Variants in RBFOX1 observed in about 807,000 individuals in gnomAD.
RBFOX1 encodes the protein RNA binding fox-1 homolog 1, also known as RNA binding protein fox-1 homolog 1.
RBFOX1 carries 8 observed loss-of-function variants against 57.7 expected under a neutral mutation model. That is an observed-to-expected ratio of 0.14 (90% CI 0.08 to 0.25). The LOEUF (loss-of-function observed/expected upper bound fraction) is 0.25, where lower values mean the gene tolerates loss of function less well. RBFOX1 is among the 10% of genes least tolerant of loss of function. RBFOX1 has a pLI of 1.00. For synonymous variants in RBFOX1, 326 were observed against 222.4 expected, an observed-to-expected ratio of 1.47 and a Z score of -4.15; for missense variants, 611 against 548.5, an observed-to-expected ratio of 1.11 and a Z score of -1.14.
chr16:5,582,079 C>T (rs925624346), intron 2 of RBFOX1, among the ~76,000 whole-genome samples: 6 of 152,200 alleles, frequency 3.9e-5, no homozygotes, highest in Admixed American at 6.5e-5. Flanking sequence ...AATTATTTCA[C>T]TGTTAAAAGA....
intron 3 of RBFOX1, among the ~76,000 whole-genome samples, chr16:5,647,773 C>T (rs1056509871): frequency 7.9e-5 from 12 of 152,202 alleles, no homozygotes; most frequent in Non-Finnish European, 1.2e-4. Flanking sequence ...ACAAGTTTCC[C>T]GGAACAGATT....
chr16:7,313,524 CGGACAGCA>C (rs1157882984), intron 4 of RBFOX1, among the ~76,000 whole-genome samples: 2 of 141,148 alleles, frequency 1.4e-5, no homozygotes, highest in Non-Finnish European at 3.0e-5. Context: ...GAGGCTCTTT[CGGACAGCA>C]GTAGGAGAGG....
At chr16:7,618,742 A>T (rs2058853457) in intron 10 of RBFOX1, among the ~76,000 whole-genome samples, 1 of 152,360 alleles carries the variant, frequency 6.6e-6, no homozygotes, top group East Asian at 1.9e-4. Context: ...CTCTACATAT[A>T]AAACAGAGCT....
chr16:5,487,034 C>T (rs1386490993), intron 2 of RBFOX1, among the ~76,000 whole-genome samples: 3 of 152,158 alleles, frequency 2.0e-5, no homozygotes, highest in African/African-American at 7.2e-5. Flanking sequence ...TGCTTAACTT[C>T]TCCCTGTTTC....
intron 3 of RBFOX1, among the ~76,000 whole-genome samples, chr16:6,865,885 C>G (rs1009386079): frequency 1.3e-5 from 2 of 151,966 alleles, no homozygotes; most frequent in Non-Finnish European, 2.9e-5. Context: ...AGTCTTTTGC[C>G]TTCTAAGTAA....
chr16:6,721,158 G>T (rs2065911695), intron 3 of RBFOX1, among the ~76,000 whole-genome samples: 1 of 152,110 alleles, frequency 6.6e-6, no homozygotes, highest in Non-Finnish European at 1.5e-5. Context: ...AACATATCAT[G>T]TTGGCCGGGC....
chr16:6,827,475 T>C (rs2092299227), intron 3 of RBFOX1, among the ~76,000 whole-genome samples: 1 of 152,172 alleles, frequency 6.6e-6, no homozygotes, highest in Non-Finnish European at 1.5e-5. Context: ...GGTGACTTCC[T>C]GAGGGTTATT....
At chr16:5,741,997 G>A (rs955695647) in intron 3 of RBFOX1, among the ~76,000 whole-genome samples, 1 of 152,096 alleles carries the variant, frequency 6.6e-6, no homozygotes, top group Non-Finnish European at 1.5e-5. Context: ...CAGTCTTTTG[G>A]CACCCTGAGA....
intron 1 of RBFOX1, among the ~76,000 whole-genome samples, chr16:5,294,074 C>T (rs1236258597): frequency 6.6e-6 from 1 of 151,982 alleles, no homozygotes; most frequent in South Asian, 2.1e-4. Flanking sequence ...ATCAAAAATA[C>T]AAAAATTAGC....
chr16:7,374,017 A>G (rs943525844), intron 4 of RBFOX1, among the ~76,000 whole-genome samples: 3 of 152,222 alleles, frequency 2.0e-5, no homozygotes, highest in African/African-American at 4.8e-5. Context: ...TATGAGCCAT[A>G]AAACTTGAAA....
intron 4 of RBFOX1, among the ~76,000 whole-genome samples, chr16:5,893,571 C>G (rs1378934067): frequency 6.6e-6 from 1 of 152,152 alleles, no homozygotes; most frequent in Non-Finnish European, 1.5e-5. Flanking sequence ...CTTTGGTAGG[C>G]TGAGGCGGGT....
intron 1 of RBFOX1, among the ~76,000 whole-genome samples, chr16:6,183,303 AC>A (rs1469979868): frequency 6.6e-6 from 1 of 151,654 alleles, no homozygotes; most frequent in Non-Finnish European, 1.5e-5. Flanking sequence ...ACAAGGTGAA[AC>A]CCTGTCTCTA....
intron 2 of RBFOX1, among the ~76,000 whole-genome samples, chr16:6,344,609 G>C (rs1260921361): frequency 6.6e-6 from 1 of 150,746 alleles, no homozygotes; most frequent in Non-Finnish European, 1.5e-5. Context: ...GTGTTAGCCA[G>C]GATGGTTTCC....
intron 3 of RBFOX1, among the ~76,000 whole-genome samples, chr16:6,967,192 C>G (rs2084450392): frequency 6.6e-6 from 1 of 152,068 alleles, no homozygotes; most frequent in Non-Finnish European, 1.5e-5. Flanking sequence ...CATTTTCTAT[C>G]TATACATTGA....
At chr16:7,261,954 T>G (rs951795169) in intron 4 of RBFOX1, among the ~76,000 whole-genome samples, 1 of 152,330 alleles carries the variant, frequency 6.6e-6, no homozygotes, top group Non-Finnish European at 1.5e-5. Context: ...TAAGGGGTGG[T>G]AGGGTGGCTG....
intron 4 of RBFOX1, among the ~76,000 whole-genome samples, chr16:7,196,648 A>G (rs903278246): frequency 1.3e-5 from 2 of 152,206 alleles, no homozygotes; most frequent in African/African-American, 4.8e-5. Flanking sequence ...TAGTTAGGCA[A>G]AGGAGACAGG....
chr16:5,733,904 A>G (rs529374881), intron 3 of RBFOX1, among the ~76,000 whole-genome samples: 7 of 151,678 alleles, frequency 4.6e-5, no homozygotes, highest in Admixed American at 1.3e-4. Flanking sequence ...GAGGACATCT[A>G]TTCTGCCCTA....
At chr16:6,808,070 T>C (rs1273876695) in intron 3 of RBFOX1, among the ~76,000 whole-genome samples, 1 of 150,676 alleles carries the variant, frequency 6.6e-6, no homozygotes, top group African/African-American at 2.4e-5. Flanking sequence ...TAGAACTATA[T>C]ATATATAATC....
intron 3 of RBFOX1, among the ~76,000 whole-genome samples, chr16:5,693,273 T>A (rs1377181504): frequency 6.6e-6 from 1 of 152,016 alleles, no homozygotes; most frequent in Non-Finnish European, 1.5e-5. Context: ...TAATGAGGCT[T>A]GGAAACCATC....
Sources: gnomAD v4.1 joint callset for allele counts (sites outside exome capture counted in the v4.1 genomes callset) on GRCh38, gnomAD v4.1.1 for gene constraint, MANE v1.5 for transcripts, NCBI Gene and HGNC (gene_info 2026-07-23, HGNC 2026-07-21) for gene names.